Variants in SRBD1 observed in about 807,000 individuals in gnomAD.
SRBD1 encodes S1 RNA-binding domain-containing protein 1.
In SRBD1, 88 loss-of-function variants were observed where a neutral mutation model predicts 115.3. The ratio of observed to expected loss-of-function variants is 0.76; its 90% CI spans 0.64 to 0.91. The LOEUF is 0.91. Among genes scored for constraint, SRBD1 ranks in the 40% least tolerant of loss-of-function variants. The pLI is 0.00. For synonymous variants in SRBD1, 509 were observed against 407.7 expected (o/e 1.25, Z -2.99); for missense variants, 1,385 against 1,177.4 (o/e 1.18, Z -2.58).
chr2:45,599,302 A>G (rs1674010728), intron 4 of SRBD1, 147 bp downstream of exon 4: 2 of 1,098,080 alleles, frequency 1.8e-6, no homozygotes, highest in Admixed American at 4.9e-5. Context: ...CAAGAAAGTT[A>G]CAAGTAGGAA....
chr2:45,590,680 T>G (rs1458699968), intron 4 of SRBD1, among the ~76,000 whole-genome samples: 1 of 152,088 alleles, frequency 6.6e-6, no homozygotes, highest in African/African-American at 2.4e-5. Context: ...TGATTGTAAG[T>G]CTCCTGAGGT....
At chr2:45,389,653 C>A in intron 20 of SRBD1, 54 bp from the exon 21 acceptor site, 6 of 1,531,296 alleles carry the variant, frequency 3.9e-6, no homozygotes, top group Non-Finnish European at 4.4e-6. Flanking sequence ...CTAGATACAA[C>A]ATAACTTTGT....
At chr2:45,571,151 G>C (rs1462867415) in intron 9 of SRBD1, among the ~76,000 whole-genome samples, 4 of 152,096 alleles carry the variant, frequency 2.6e-5, no homozygotes, top group African/African-American at 7.2e-5. Context: ...AGGAAGAAAA[G>C]GCTACGGCAG....
chr2:45,418,662 T>G, intron 17 of SRBD1, 121 bp from the exon 18 acceptor site: 1 of 701,490 alleles, frequency 1.4e-6, no homozygotes, highest in Non-Finnish European at 1.8e-6. Flanking sequence ...GTTAAGTTAA[T>G]CCAAAAGGGA....
Position 45,502,541 on chromosome 2 carries a change from T to G in SRBD1, c.1875-14210A>C, listed in dbSNP as rs540685926. On this transcript the variant is annotated intron_variant, in intron 14 of 20. Coordinates refer to ENST00000263736, the MANE Select transcript of SRBD1 (RefSeq NM_018079.5). Reference sequence around the variant, plus strand: ...TTCATGTCCTTTGTAGGGACATGGATGAAGTTGGAAACCATCATTCTCAGC... The same window carrying G: ...TTCATGTCCTTTGTAGGGACATGGAGGAAGTTGGAAACCATCATTCTCAGC... Among the ~76,000 whole-genome samples, 250 of 152,198 alleles carry G rather than the reference T, an allele frequency of 1.6e-3. 1 individual carries two copies. Among genetic ancestry groups the G allele is most frequent in the African/African-American group, 5.5e-3 (229 of 41,532 alleles).
intron 9 of SRBD1, among the ~76,000 whole-genome samples, chr2:45,567,719 C>T (rs1185102248): frequency 6.6e-6 from 1 of 152,094 alleles, no homozygotes; most frequent in East Asian, 1.9e-4. Flanking sequence ...AGTTTGAGCT[C>T]AGCAGAGACT....
At chr2:45,527,945 C>A (rs1413856824) in intron 14 of SRBD1, among the ~76,000 whole-genome samples, 1 of 151,818 alleles carries the variant, frequency 6.6e-6, no homozygotes, top group Non-Finnish European at 1.5e-5. Flanking sequence ...ATGGAAGCCA[C>A]TGAAAACAGG....
At chr2:45,526,515 G>C (rs1284059759) in intron 14 of SRBD1, among the ~76,000 whole-genome samples, 1 of 151,700 alleles carries the variant, frequency 6.6e-6, no homozygotes, top group East Asian at 1.9e-4. Context: ...TTTTTGAGAT[G>C]AAAAAGTTTT....
chr2:45,427,414 T>A (rs906330722), intron 16 of SRBD1, among the ~76,000 whole-genome samples: 3 of 147,262 alleles, frequency 2.0e-5, no homozygotes, highest in African/African-American at 5.1e-5. Context: ...AGGCTCAAAA[T>A]AAAGGGATGG....
chr2:45,389,712 A>C (rs1325182660), intron 20 of SRBD1, 113 bp from the exon 21 acceptor site: 1 of 1,054,492 alleles, frequency 9.5e-7, no homozygotes, highest in Non-Finnish European at 1.3e-6. Flanking sequence ...ATTAAAGATT[A>C]AGGGGGGATT....
At chr2:45,535,049 C>G (rs1671725717) in intron 14 of SRBD1, among the ~76,000 whole-genome samples, 1 of 151,950 alleles carries the variant, frequency 6.6e-6, no homozygotes, top group African/African-American at 2.4e-5. Flanking sequence ...TCAAGTCTTT[C>G]AAAAACTTTT....
chr2:45,481,865 C>T (rs1018575592), intron 15 of SRBD1, among the ~76,000 whole-genome samples: 2 of 152,066 alleles, frequency 1.3e-5, no homozygotes, highest in African/African-American at 4.8e-5. Context: ...GTCACAAAGA[C>T]CACATATTGT....
In SRBD1 at chr2:45,544,280, C is replaced by T. The variant is rs568202645; in HGVS notation, c.1874+2452G>A. 1.5e-3 allele frequency among the ~76,000 whole-genome samples: 226 copies of T among 149,494 alleles called. 1 individual carries two copies. The highest frequency in any genetic ancestry group is 5.5e-3 in the African/African-American group (223 of 40,726). ...TTTATATTAATGGGGTCTCCCTAAA[C>T]TCAAAGATTAGCCCACACTTAACAT... is the stretch of plus-strand genomic sequence containing the variant. On this transcript the variant is annotated intron_variant, in intron 14 of 20. Transcript: ENST00000263736.
At chr2:45,412,805 C>T (rs1667641749) in intron 19 of SRBD1, among the ~76,000 whole-genome samples, 1 of 152,124 alleles carries the variant, frequency 6.6e-6, no homozygotes, top group South Asian at 2.1e-4. Context: ...AAGTTTTATG[C>T]CAGGTGCTAG....
At chr2:45,606,524 A>C (rs1193595646) in intron 1 of SRBD1, among the ~76,000 whole-genome samples, 1 of 152,204 alleles carries the variant, frequency 6.6e-6, no homozygotes, top group African/African-American at 2.4e-5. Context: ...GAAATAAATG[A>C]TGCTGATTGA....
chr2:45,451,248 A>C (rs1039709808), intron 16 of SRBD1, among the ~76,000 whole-genome samples: 1 of 152,122 alleles, frequency 6.6e-6, no homozygotes, highest in Non-Finnish European at 1.5e-5. Context: ...TACAGAATGA[A>C]ATGTAGCCTC....
At chr2:45,590,610 C>CT (rs759297313) in intron 4 of SRBD1, among the ~76,000 whole-genome samples, 3 of 152,196 alleles carry the variant, frequency 2.0e-5, no homozygotes, top group Non-Finnish European at 2.9e-5. Flanking sequence ...GGCATTTCCT[C>CT]TACTTGCACT....
intron 10 of SRBD1, among the ~76,000 whole-genome samples, chr2:45,559,280 C>A (rs1180447201): frequency 6.6e-6 from 1 of 152,078 alleles, no homozygotes; most frequent in Non-Finnish European, 1.5e-5. Context: ...TCCCACCATC[C>A]TTAAAAGAAA....
intron 5 of SRBD1, among the ~76,000 whole-genome samples, chr2:45,584,932 C>T (rs2104195751): frequency 6.6e-6 from 1 of 152,286 alleles, no homozygotes; most frequent in Non-Finnish European, 1.5e-5. Flanking sequence ...GGGTGGATCA[C>T]TTAAGGCCAA....
Sources: gnomAD v4.1 joint callset for allele counts (sites outside exome capture counted in the v4.1 genomes callset) on GRCh38, gnomAD v4.1.1 for gene constraint, MANE v1.5 for transcripts, NCBI Gene and HGNC (gene_info 2026-07-23, HGNC 2026-07-21) for gene names.